Variants in PTPRD observed in about 807,000 individuals in gnomAD.
PTPRD encodes receptor-type tyrosine-protein phosphatase delta.
Under a neutral mutation model 214.5 loss-of-function variants are expected in PTPRD, and 34 were observed. The observed-to-expected ratio is 0.16, with a 90% CI of 0.12 to 0.21. The LOEUF (loss-of-function observed/expected upper bound fraction) is 0.21, where lower values mean the gene tolerates loss of function less well. PTPRD is among the 10% of genes least tolerant of loss of function. The pLI is 1.00. For synonymous variants in PTPRD, 1,128 were observed against 845.7 expected, an observed-to-expected ratio of 1.33 and a Z score of -5.79; for missense variants, 2,545 against 2,398.7, an observed-to-expected ratio of 1.06 and a Z score of -1.27.
intron 11 of PTPRD, among the ~76,000 whole-genome samples, chr9:8,831,466 C>T (rs1190008950): frequency 6.6e-6 from 1 of 152,084 alleles, no homozygotes; most frequent in Non-Finnish European, 1.5e-5. Flanking sequence ...ATATAACATG[C>T]TCAGAGACCA....
chr9:10,410,145 A>G (rs914721997), intron 2 of PTPRD, among the ~76,000 whole-genome samples: 7 of 150,740 alleles, frequency 4.6e-5, no homozygotes, highest in Non-Finnish European at 8.9e-5. Flanking sequence ...TTTTCTCTTT[A>G]TTCAAACCCA....
intron 7 of PTPRD, among the ~76,000 whole-genome samples, chr9:9,705,186 G>A (rs1207972008): frequency 6.6e-6 from 1 of 152,136 alleles, no homozygotes; most frequent in East Asian, 1.9e-4. Context: ...TCATAGAATT[G>A]CATATGACAG....
At chr9:10,007,533 T>C (rs1163513718) in intron 4 of PTPRD, among the ~76,000 whole-genome samples, 1 of 152,024 alleles carries the variant, frequency 6.6e-6, no homozygotes, top group African/African-American at 2.4e-5. Flanking sequence ...GGGCACTAAA[T>C]TGCAAAGCAT....
intron 3 of PTPRD, among the ~76,000 whole-genome samples, chr9:10,306,189 G>T (rs1005306202): frequency 2.0e-4 from 30 of 147,414 alleles, no homozygotes; most frequent in African/African-American, 7.0e-4. Context: ...ACCAAACACC[G>T]CATGTTCCCA....
intron 8 of PTPRD, among the ~76,000 whole-genome samples, chr9:9,515,675 TTAAA>T (rs2096820759): frequency 6.6e-6 from 1 of 151,892 alleles, no homozygotes; most frequent in Non-Finnish European, 1.5e-5. Flanking sequence ...AAACCATATA[TTAAA>T]TAAAATTATA....
intron 5 of PTPRD, among the ~76,000 whole-genome samples, chr9:9,853,153 A>G (rs536366861): frequency 6.6e-6 from 1 of 152,332 alleles, no homozygotes; most frequent in East Asian, 1.9e-4. Flanking sequence ...TTTTCTGTAA[A>G]GGGGCAGATA....
chr9:8,551,513 C>T (rs1464983748), intron 14 of PTPRD, among the ~76,000 whole-genome samples: 2 of 151,978 alleles, frequency 1.3e-5, no homozygotes, highest in East Asian at 3.9e-4. Context: ...TTAACGAAGG[C>T]TAATAGTTCT....
At chr9:9,099,514 T>C (rs925427308) in intron 10 of PTPRD, among the ~76,000 whole-genome samples, 1 of 152,146 alleles carries the variant, frequency 6.6e-6, no homozygotes, top group South Asian at 2.1e-4. Context: ...GTTTTGGAGG[T>C]AAGTAACATC....
At chr9:9,229,775 C>T (rs575523203) in intron 9 of PTPRD, among the ~76,000 whole-genome samples, 5 of 152,112 alleles carry the variant, frequency 3.3e-5, no homozygotes, top group Admixed American at 1.3e-4. Flanking sequence ...GCCAACAAGG[C>T]TATAGAATTG....
intron 21 of PTPRD, among the ~76,000 whole-genome samples, chr9:8,515,135 A>G (rs1295894210): frequency 1.3e-5 from 2 of 152,318 alleles, no homozygotes; most frequent in South Asian, 2.1e-4. Flanking sequence ...ACAGCAGTTA[A>G]AAGTATCCAG....
chr9:8,647,577 G>C (rs753136528), intron 12 of PTPRD, among the ~76,000 whole-genome samples: 1 of 152,052 alleles, frequency 6.6e-6, no homozygotes, highest in Non-Finnish European at 1.5e-5. Flanking sequence ...ATCAGAAAAA[G>C]ACTTCAAAAC....
intron 3 of PTPRD, among the ~76,000 whole-genome samples, chr9:10,283,414 T>C (rs1200493353): frequency 6.6e-6 from 1 of 152,166 alleles, no homozygotes; most frequent in Non-Finnish European, 1.5e-5. Flanking sequence ...TAAGACGAGG[T>C]CCTCAACACG....
At chr9:9,355,672 G>C (rs1222727210) in intron 9 of PTPRD, among the ~76,000 whole-genome samples, 2 of 151,500 alleles carry the variant, frequency 1.3e-5, no homozygotes, top group African/African-American at 4.8e-5. Flanking sequence ...GAGAAAGACA[G>C]GGCCTGGAGA....
intron 10 of PTPRD, among the ~76,000 whole-genome samples, chr9:9,158,542 G>A (rs1338052722): frequency 2.6e-5 from 4 of 152,142 alleles, no homozygotes; most frequent in Non-Finnish European, 4.4e-5. Flanking sequence ...AGAGGTTGTA[G>A]TGAGCCGAGA....
chr9:9,483,412 A>G (rs2095498835), intron 8 of PTPRD, among the ~76,000 whole-genome samples: 1 of 152,158 alleles, frequency 6.6e-6, no homozygotes, highest in African/African-American at 2.4e-5. Context: ...AAGGGAGTCA[A>G]TGGATTTAGG....
intron 11 of PTPRD, among the ~76,000 whole-genome samples, chr9:8,934,703 G>T (rs2098984605): frequency 6.7e-6 from 1 of 149,912 alleles, no homozygotes; most frequent in Non-Finnish European, 1.5e-5. Context: ...CTATACATGA[G>T]ATTTTCAGAA....
At chr9:10,072,674 T>G (rs1209499071) in intron 3 of PTPRD, among the ~76,000 whole-genome samples, 1 of 152,076 alleles carries the variant, frequency 6.6e-6, no homozygotes, top group Non-Finnish European at 1.5e-5. Flanking sequence ...TATTGTTGCA[T>G]TTTACAGAGC....
intron 14 of PTPRD, among the ~76,000 whole-genome samples, chr9:8,607,573 G>T (rs2095277878): frequency 6.6e-6 from 1 of 152,136 alleles, no homozygotes. Flanking sequence ...AGCCCGGGAG[G>T]GAGAAGTTGC....
intron 5 of PTPRD, among the ~76,000 whole-genome samples, chr9:9,827,269 G>A (rs1341646918): frequency 2.6e-5 from 4 of 152,026 alleles, no homozygotes; most frequent in Admixed American, 2.0e-4. Flanking sequence ...CTACAAGGCT[G>A]CAGTCACCAA....
Sources: allele counts gnomAD v4.1 joint callset (sites outside exome capture counted in the v4.1 genomes callset), GRCh38; gene constraint gnomAD v4.1.1; transcripts MANE v1.5; gene names NCBI Gene and HGNC (gene_info 2026-07-23, HGNC 2026-07-21).